The following FANCC variants were observed in gnomAD, a reference collection of about 807,000 sequenced individuals.
FANCC encodes the protein Fanconi anemia group C protein.
In FANCC, 55 loss-of-function variants were observed where a neutral mutation model predicts 71.3. The ratio of observed to expected loss-of-function variants is 0.77; its 90% confidence interval spans 0.62 to 0.97. The LOEUF is 0.97. Ranked by LOEUF, FANCC falls within the 50% of genes least tolerant of loss-of-function variation. The probability of loss-of-function intolerance (pLI) is 0.00; values close to 1 mark genes in which losing one functional copy is unlikely to be tolerated. For missense variants in FANCC, 678 were observed against 670.9 expected, an observed-to-expected ratio of 1.01 and a Z score of -0.12; for synonymous variants, 275 against 244.9, an observed-to-expected ratio of 1.12 and a Z score of -1.15.
intron 4 of FANCC, among the ~76,000 whole-genome samples, chr9:95,202,988 G>C (rs73534875): frequency 0.023 from 3,485 of 152,266 alleles, 142 homozygotes; most frequent in African/African-American, 0.08. Flanking sequence ...ATGTCAAACT[G>C]CAAAGAAATA....
At chr9:95,130,782 A>G (rs888833274) in intron 8 of FANCC, among the ~76,000 whole-genome samples, 2 of 152,242 alleles carry the variant, frequency 1.3e-5, no homozygotes, top group African/African-American at 4.8e-5. Flanking sequence ...CTTCTTAAAA[A>G]GAAGATTCTC....
At chr9:95,120,836 G>A (rs544621084) in intron 10 of FANCC, among the ~76,000 whole-genome samples, 8 of 152,126 alleles carry the variant, frequency 5.3e-5, no homozygotes, top group Admixed American at 1.3e-4. Context: ...TTGGGTTTAG[G>A]TCTATCTTTT....
intron 11 of FANCC, among the ~76,000 whole-genome samples, chr9:95,115,631 G>C (rs1456718204): frequency 6.6e-6 from 1 of 152,186 alleles, no homozygotes; most frequent in Non-Finnish European, 1.5e-5. Context: ...GTTCTGTGCA[G>C]CATCTGCAAA....
intron 4 of FANCC, among the ~76,000 whole-genome samples, chr9:95,232,358 CAT>C (rs1830057719): frequency 6.6e-6 from 1 of 152,092 alleles, no homozygotes; most frequent in Non-Finnish European, 1.5e-5. Flanking sequence ...CAGTGACAAA[CAT>C]ATATTATGAA....
At chr9:95,306,441 G>A (rs181874519) in intron 1 of FANCC, among the ~76,000 whole-genome samples, 21 of 152,210 alleles carry the variant, frequency 1.4e-4, no homozygotes, top group African/African-American at 4.8e-4. Flanking sequence ...AGATGCAACC[G>A]AAAGCCTGCG....
At chr9:95,311,369 A>C (rs1448184927) in intron 1 of FANCC, among the ~76,000 whole-genome samples, 1 of 152,222 alleles carries the variant, frequency 6.6e-6, no homozygotes, top group Non-Finnish European at 1.5e-5. Flanking sequence ...TTAAGTAAAC[A>C]GTAACAACCA....
intron 1 of FANCC, among the ~76,000 whole-genome samples, chr9:95,260,631 T>C (rs1831973874): frequency 6.8e-6 from 1 of 146,850 alleles, no homozygotes; most frequent in Admixed American, 6.9e-5. Context: ...ATGGCACGTG[T>C]ATACCTGGCT....
chr9:95,108,778 T>C (rs553688206), intron 13 of FANCC, among the ~76,000 whole-genome samples: 1 of 152,196 alleles, frequency 6.6e-6, no homozygotes, highest in Non-Finnish European at 1.5e-5. Flanking sequence ...TTTATATACT[T>C]CTTGTCTTTT....
chr9:95,270,357 C>G (rs1179593811), intron 1 of FANCC, among the ~76,000 whole-genome samples: 1 of 152,130 alleles, frequency 6.6e-6, no homozygotes, highest in Non-Finnish European at 1.5e-5. Context: ...AGCAACCACC[C>G]GGAGAAACGG....
At position 95,099,806 on chromosome 9, in the gene FANCC, G is replaced by A. The variant is rs756111303; in HGVS notation, c.*1901C>T. The A allele has an allele frequency of 3.4e-5, 8 of 232,424 alleles. No individual in the cohort carries two copies. The highest frequency in any genetic ancestry group is 8.8e-5 in the African/African-American group (4 of 45,320). 14.4% of individuals were successfully genotyped at this position (232,424 alleles called of 1,614,324 possible). A position where few individuals can be genotyped will look rare whatever the true frequency, so the allele number is the denominator to read the frequency against. ...AACTGGGAGATTCTGCAGATGGGCC[G>A]AGGTCAGGGCTTCCAGGCTAGGAAG... On this transcript the variant is annotated 3_prime_UTR_variant, in exon 15 of 15. Coordinates refer to ENST00000289081, the MANE Select transcript of FANCC (RefSeq NM_000136.3).
At chr9:95,142,250 T>C in intron 7 of FANCC, among the ~76,000 whole-genome samples, 1 of 151,892 alleles carries the variant, frequency 6.6e-6, no homozygotes, top group Non-Finnish European at 1.5e-5. Context: ...GCCTCAGCCT[T>C]CCAAAGTGCT....
At chr9:95,238,707 A>AG (rs1251209529) in intron 4 of FANCC, among the ~76,000 whole-genome samples, 2 of 152,094 alleles carry the variant, frequency 1.3e-5, no homozygotes, top group Non-Finnish European at 2.9e-5. Flanking sequence ...CTGAGAGTAC[A>AG]GGCACGTGCC....
At chr9:95,111,374 G>A (rs2134542374) in intron 13 of FANCC, 89 bp downstream of exon 13, 6 of 1,597,684 alleles carry the variant, frequency 3.8e-6, no homozygotes, top group Non-Finnish European at 5.1e-6. Context: ...TGTCATGGAA[G>A]CCAAGCCCAC....
At chr9:95,120,375 T>C (rs901514561) in intron 10 of FANCC, among the ~76,000 whole-genome samples, 3 of 152,164 alleles carry the variant, frequency 2.0e-5, no homozygotes. Context: ...GCTGTCTTTT[T>C]GCCAATACCT....
chr9:95,170,637 CGTGTGTGTGTGTGTGT>C (rs3992109), intron 6 of FANCC, among the ~76,000 whole-genome samples: 72 of 124,290 alleles, frequency 5.8e-4, no homozygotes, highest in African/African-American at 1.9e-3. Flanking sequence ...TTGTAAATAT[CGTGTGTGTGTGTGTGT>C]GTGTGTGTGT....
At chr9:95,226,037 C>G (rs1442165512) in intron 4 of FANCC, among the ~76,000 whole-genome samples, 1 of 152,166 alleles carries the variant, frequency 6.6e-6, no homozygotes. Flanking sequence ...TCCACATTTT[C>G]CAGAGCCCTG....
chr9:95,166,820 G>T (rs1388444331), intron 6 of FANCC, among the ~76,000 whole-genome samples: 2 of 152,088 alleles, frequency 1.3e-5, no homozygotes, highest in Non-Finnish European at 1.5e-5. Context: ...ATCCTCTCTG[G>T]ATACTGAGGG....
chr9:95,299,159 T>G (rs938125372), intron 1 of FANCC, among the ~76,000 whole-genome samples: 1 of 152,238 alleles, frequency 6.6e-6, no homozygotes, highest in Admixed American at 6.5e-5. Context: ...GCAACAAAAA[T>G]GTGCAGAACC....
At chr9:95,287,790 C>G (rs1833774104) in intron 1 of FANCC, among the ~76,000 whole-genome samples, 1 of 152,118 alleles carries the variant, frequency 6.6e-6, no homozygotes, top group South Asian at 2.1e-4. Flanking sequence ...TTGTGTACAA[C>G]AAAAAGGCAG....
Sources: allele counts gnomAD v4.1 joint callset (sites outside exome capture counted in the v4.1 genomes callset), GRCh38; gene constraint gnomAD v4.1.1; transcripts MANE v1.5; gene names NCBI Gene and HGNC (gene_info 2026-07-23, HGNC 2026-07-21).